The following ZFAT variants were observed in gnomAD, a reference collection of about 807,000 sequenced individuals.
ZFAT encodes the protein zinc finger and AT-hook domain containing.
A neutral mutation model predicts 117.7 loss-of-function variants in ZFAT; 64 were observed. The observed-to-expected ratio is 0.54, with a 90% CI of 0.44 to 0.67. The LOEUF (loss-of-function observed/expected upper bound fraction) is 0.67. Ranked by LOEUF, ZFAT falls within the 30% of genes least tolerant of loss-of-function variation. The probability of loss-of-function intolerance (pLI) is 0.00; values close to 1 mark genes in which losing one functional copy is unlikely to be tolerated. For synonymous variants in ZFAT, 679 were observed against 615.0 expected (o/e 1.10, Z -1.54); for missense variants, 1,433 against 1,584.5 (o/e 0.90, Z 1.62).
At chr8:134,604,659 A>C (rs7008112) in intron 5 of ZFAT, among the ~76,000 whole-genome samples, 9,698 of 152,230 alleles carry the variant, frequency 0.064, 1,069 homozygotes, top group African/African-American at 0.22. Context: ...ACCCACTCTC[A>C]CTGTAAAGTC....
intron 3 of ZFAT, among the ~76,000 whole-genome samples, chr8:134,625,484 C>T (rs549634721): frequency 2.6e-5 from 4 of 152,322 alleles, no homozygotes; most frequent in South Asian, 2.1e-4. Flanking sequence ...TTCCAGGAAA[C>T]GCTCCAGCAA....
At chr8:134,540,594 C>T (rs989963928) in intron 11 of ZFAT, among the ~76,000 whole-genome samples, 1 of 152,190 alleles carries the variant, frequency 6.6e-6, no homozygotes, top group Non-Finnish European at 1.5e-5. Flanking sequence ...CGAAAAGTCC[C>T]ACCTACACCA....
At chr8:134,829,557 A>C in the ZFAT span, among the ~76,000 whole-genome samples, 13 of 152,254 alleles carry the variant, frequency 8.5e-5, 1 homozygote, top group South Asian at 6.2e-4. Context: ...TTGTATGCCA[A>C]CTGATTATTC....
the ZFAT span, chr8:134,797,419 C>A: frequency 2.0e-5 from 3 of 152,030 alleles, no homozygotes; most frequent in African/African-American, 7.2e-5. Flanking sequence ...ACAACATTTG[C>A]ACAGAAAACA....
chr8:134,496,716 G>A (rs576911632), intron 15 of ZFAT, among the ~76,000 whole-genome samples: 1 of 152,212 alleles, frequency 6.6e-6, no homozygotes, highest in Admixed American at 6.5e-5. Flanking sequence ...TTGCTGGGGG[G>A]AAAAGCCATG....
At chr8:134,645,290 T>C (rs1830817032) in intron 2 of ZFAT, among the ~76,000 whole-genome samples, 1 of 152,322 alleles carries the variant, frequency 6.6e-6, no homozygotes, top group African/African-American at 2.4e-5. Flanking sequence ...AGGTTAAACC[T>C]GAATGAAAAT....
chr8:134,729,023 A>G, the ZFAT span, among the ~76,000 whole-genome samples: 1 of 152,206 alleles, frequency 6.6e-6, no homozygotes, highest in Non-Finnish European at 1.5e-5. Context: ...TCAAAAGTTT[A>G]AAATAATCCT....
At chr8:134,508,258 T>C (rs754065552) in intron 15 of ZFAT, among the ~76,000 whole-genome samples, 1 of 152,202 alleles carries the variant, frequency 6.6e-6, no homozygotes, top group African/African-American at 2.4e-5. Flanking sequence ...ATGCTTTGCA[T>C]TGTGCCCTGG....
intron 1 of ZFAT, among the ~76,000 whole-genome samples, chr8:134,667,765 G>C (rs1469210408): frequency 6.6e-6 from 1 of 152,088 alleles, no homozygotes; most frequent in African/African-American, 2.4e-5. Flanking sequence ...AGTGGAGACA[G>C]GACAGTAGGT....
intron 1 of ZFAT, among the ~76,000 whole-genome samples, chr8:134,705,490 T>C (rs1834126343): frequency 6.6e-6 from 1 of 151,760 alleles, no homozygotes; most frequent in African/African-American, 2.4e-5. Context: ...ATGCTGAGAT[T>C]GAAGGCATGA....
Position 134,708,634 on chromosome 8 carries a change from T to C in ZFAT, c.19+4211A>G, listed in dbSNP as rs182964792. 2.0e-5 allele frequency among the ~76,000 whole-genome samples: 3 copies of C among 152,276 alleles called. No homozygotes were observed. The East Asian group carries it at 5.8e-4, about 29-fold the overall frequency. ...GTTTAAAATGTCTATTTTGTTTTGC[T>C]CTGCTTTTTCTTTTCTCTTTTAAAA... On this transcript the variant is annotated intron_variant, in intron 1 of 15. Transcript: ENST00000377838.
the ZFAT span, among the ~76,000 whole-genome samples, chr8:134,755,273 C>T: frequency 6.8e-6 from 1 of 146,940 alleles, no homozygotes; most frequent in Non-Finnish European, 1.5e-5. Context: ...AAATGCCGGG[C>T]GTGGCGGCAT....
the ZFAT span, among the ~76,000 whole-genome samples, chr8:134,768,897 G>A: frequency 3.9e-5 from 6 of 152,210 alleles, no homozygotes; most frequent in Middle Eastern, 3.4e-3. Flanking sequence ...CAAAGGTCGG[G>A]CATAGTGGCT....
chr8:134,809,827 TTC>T, the ZFAT span, among the ~76,000 whole-genome samples: 2 of 152,200 alleles, frequency 1.3e-5, no homozygotes, highest in Non-Finnish European at 2.9e-5. Context: ...GTTTTCAAAA[TTC>T]TCTGACCATA....
intron 11 of ZFAT, among the ~76,000 whole-genome samples, chr8:134,558,595 G>A (rs1256320473): frequency 1.3e-5 from 2 of 152,060 alleles, no homozygotes; most frequent in Non-Finnish European, 2.9e-5. Flanking sequence ...AAAATATTTA[G>A]AGTGAGCTAT....
intron 15 of ZFAT, among the ~76,000 whole-genome samples, chr8:134,495,463 C>T (rs75473558): frequency 0.013 from 1,935 of 152,258 alleles, 46 homozygotes; most frequent in African/African-American, 0.043. Context: ...AAGGGGGGAA[C>T]GTGAGCATTC....
intron 4 of ZFAT, among the ~76,000 whole-genome samples, chr8:134,610,221 C>T (rs1236586678): frequency 6.6e-6 from 1 of 152,222 alleles, no homozygotes; most frequent in Non-Finnish European, 1.5e-5. Flanking sequence ...GCAGGAGCAG[C>T]ACGGCGGAGC....
At chr8:134,761,193 GC>G in the ZFAT span, among the ~76,000 whole-genome samples, 1 of 152,110 alleles carries the variant, frequency 6.6e-6, no homozygotes, top group African/African-American at 2.4e-5. Flanking sequence ...TATCTATTGA[GC>G]CCCTACTGTG....
the ZFAT span, among the ~76,000 whole-genome samples, chr8:134,789,389 T>G: frequency 6.6e-6 from 1 of 152,352 alleles, no homozygotes; most frequent in Non-Finnish European, 1.5e-5. Context: ...CCATTTCCAT[T>G]GCTCTTCATT....
Sources: allele counts gnomAD v4.1 joint callset (sites outside exome capture counted in the v4.1 genomes callset), GRCh38; gene constraint gnomAD v4.1.1; transcripts MANE v1.5; gene names NCBI Gene and HGNC (gene_info 2026-07-23, HGNC 2026-07-21).